Variants in SYNPO2 observed in about 807,000 individuals in gnomAD.
SYNPO2 encodes the protein synaptopodin-2.
Under a neutral mutation model 85.0 loss-of-function variants are expected in SYNPO2, and 56 were observed. That is an observed-to-expected ratio of 0.66 (90% CI 0.53 to 0.82). The LOEUF (loss-of-function observed/expected upper bound fraction) is 0.82, where lower values mean the gene tolerates loss of function less well. Among genes scored for constraint, SYNPO2 ranks in the 40% least tolerant of loss-of-function variants. SYNPO2 has a pLI of 0.00. For missense variants in SYNPO2, 1,575 were observed against 1,534.2 expected (o/e 1.03, Z -0.44); for synonymous variants, 602 against 591.1 (o/e 1.02, Z -0.27).
intron 1 of SYNPO2, among the ~76,000 whole-genome samples, chr4:118,976,020 A>T (rs1489349862): frequency 1.3e-5 from 2 of 152,220 alleles, no homozygotes; most frequent in Admixed American, 1.3e-4. Context: ...CCTGTCCCCT[A>T]CCAGAGCTTT....
intron 1 of SYNPO2, among the ~76,000 whole-genome samples, chr4:118,860,712 A>C (rs10001115): frequency 0.056 from 8,539 of 151,824 alleles, 274 homozygotes; most frequent in Non-Finnish European, 0.064. Flanking sequence ...CATGCCACCA[A>C]GTGCAGCTAA....
chr4:119,030,958 A>T lies in SYNPO2; in HGVS notation c.2183A>T (p.Asp728Val). ...AAACGGGGCACTGGAGCTGGAGGTG[A>T]TTCCGGACCGGAAGAAGACTACCTC... ...EGKRGTGAGG[D>V]SGPEEDYLSL... The change falls in exon 4 of 5, where the codon GAT (aspartate) becomes GTT (valine). Residue 728 changes from aspartate to valine, a missense_variant. Asp to Val is a radical substitution (Grantham distance 152). This residue lies in a region of SYNPO2 where 1,508 missense variants were observed against 1,446.8 expected (regional missense o/e 1.04). Transcript: ENST00000307142. 1 of 1,614,180 alleles carries T rather than the reference A, an allele frequency of 6.2e-7. No homozygotes were observed. Among genetic ancestry groups the T allele is most frequent in the Non-Finnish European group, 8.5e-7 (1 of 1,180,024 alleles).
intron 1 of SYNPO2, among the ~76,000 whole-genome samples, chr4:118,992,979 T>C (rs1399991130): frequency 6.6e-6 from 1 of 152,118 alleles, no homozygotes; most frequent in African/African-American, 2.4e-5. Flanking sequence ...CTCTGGACCC[T>C]GGGTGGGTGG....
intron 1 of SYNPO2, among the ~76,000 whole-genome samples, chr4:118,881,698 G>A (rs1303091238): frequency 6.6e-6 from 1 of 152,124 alleles, no homozygotes; most frequent in Non-Finnish European, 1.5e-5. Context: ...AGCCACGTTC[G>A]GCCTCCAAGT....
chr4:118,947,729 A>C lies in SYNPO2; in HGVS notation c.105+58588A>C, dbSNP rs114604937. 8.1e-3 allele frequency among the ~76,000 whole-genome samples: 1,237 copies of C among 152,340 alleles called. 14 individuals carry two copies. The highest frequency in any genetic ancestry group is 0.027 in the African/African-American group (1,143 of 41,582). ...AATCAACAATGAGAACAACTTAAGA[A>C]AATGTGGCAGTTTAATTCTGGCATA... On this transcript the variant is annotated intron_variant, in intron 1 of 4. Transcript: ENST00000307142.
At chr4:118,967,216 C>T (rs1382474524) in intron 1 of SYNPO2, among the ~76,000 whole-genome samples, 1 of 152,136 alleles carries the variant, frequency 6.6e-6, no homozygotes, top group Non-Finnish European at 1.5e-5. Context: ...TGCCCATTTT[C>T]TTTTTTCTCT....
intron 1 of SYNPO2, among the ~76,000 whole-genome samples, chr4:119,011,075 A>G (rs528551943): frequency 1.3e-5 from 2 of 152,330 alleles, no homozygotes; most frequent in African/African-American, 4.8e-5. Context: ...GACTGGCTTT[A>G]AAACGCATTA....
chr4:119,031,732 A>G lies in SYNPO2; in HGVS notation c.2957A>G (p.Asp986Gly), dbSNP rs200858884. The G allele has an allele frequency of 1.1e-4, 183 of 1,614,092 alleles. 1 individual carries two copies. Among genetic ancestry groups the G allele is most frequent in the Non-Finnish European group, 1.5e-4 (179 of 1,180,040 alleles). ...ACTTTCCAACCTCCAGATGCAAAGG[A>G]TGGCCTCCCCCAGAAGTCATCAGTC... ...LFTFQPPDAK[D>G]GLPQKSSVKV... is the part of the protein sequence containing the mutation. Residue 986 changes from aspartate to glycine, a missense_variant, in exon 4 of 5, where the codon GAT becomes GGT. Physicochemically the swap from Asp to Gly is moderately conservative, Grantham distance 94. Coordinates refer to ENST00000307142, the MANE Select transcript of SYNPO2 (RefSeq NM_133477.3).
At chr4:119,018,534 G>A in intron 1 of SYNPO2, among the ~76,000 whole-genome samples, 1 of 152,022 alleles carries the variant, frequency 6.6e-6, no homozygotes, top group East Asian at 1.9e-4. Context: ...ATAGTGACTG[G>A]ACTAATTTGC....
chr4:119,008,431 C>A (rs1323782265), intron 1 of SYNPO2, among the ~76,000 whole-genome samples: 1 of 145,730 alleles, frequency 6.9e-6, no homozygotes, highest in Non-Finnish European at 1.5e-5. Context: ...TTAAATTGCA[C>A]AGGCTTTTTT....
chr4:118,939,157 T>A (rs1734214832), intron 1 of SYNPO2, among the ~76,000 whole-genome samples: 1 of 152,190 alleles, frequency 6.6e-6, no homozygotes, highest in Admixed American at 6.5e-5. Flanking sequence ...AACAAAGAAG[T>A]TTGTGTGTGC....
At chr4:118,972,358 G>C (rs1735571059) in intron 1 of SYNPO2, among the ~76,000 whole-genome samples, 1 of 151,964 alleles carries the variant, frequency 6.6e-6, no homozygotes, top group African/African-American at 2.4e-5. Flanking sequence ...GTGGAAGGAT[G>C]GCTTCAGTCC....
chr4:119,015,050 CT>C (rs999020901), intron 1 of SYNPO2, among the ~76,000 whole-genome samples: 2 of 152,170 alleles, frequency 1.3e-5, no homozygotes, highest in African/African-American at 4.8e-5. Flanking sequence ...TAAATGAAAA[CT>C]TCAATGACAA....
chr4:119,039,641 A>G (rs1304892291), intron 4 of SYNPO2, among the ~76,000 whole-genome samples: 1 of 152,124 alleles, frequency 6.6e-6, no homozygotes, highest in African/African-American at 2.4e-5. Context: ...CACGCCTCAA[A>G]CACCTACCGC....
chr4:118,998,865 CCTCT>C (rs1057163877), intron 1 of SYNPO2, among the ~76,000 whole-genome samples: 1 of 152,010 alleles, frequency 6.6e-6, no homozygotes, highest in South Asian at 2.1e-4. Context: ...TCCCTCCCTC[CCTCT>C]CTCTCTTACT....
chr4:118,964,732 TTCA>T (rs772925939), intron 1 of SYNPO2, among the ~76,000 whole-genome samples: 1 of 152,202 alleles, frequency 6.6e-6, no homozygotes, highest in Non-Finnish European at 1.5e-5. Flanking sequence ...GGTAAAGCCA[TTCA>T]TTTATTTATT....
chr4:119,001,745 T>C (rs998871180), intron 1 of SYNPO2, among the ~76,000 whole-genome samples: 9 of 152,190 alleles, frequency 5.9e-5, no homozygotes, highest in Admixed American at 5.9e-4. Flanking sequence ...AAGCAAAACA[T>C]ATTCTTTTTA....
intron 1 of SYNPO2, among the ~76,000 whole-genome samples, chr4:119,009,820 G>C (rs1432231358): frequency 6.6e-6 from 1 of 152,186 alleles, no homozygotes; most frequent in Non-Finnish European, 1.5e-5. Context: ...TGAGCTTTTA[G>C]TACAGCCCAG....
chr4:118,926,452 G>C (rs1446516249), intron 1 of SYNPO2, among the ~76,000 whole-genome samples: 2 of 152,132 alleles, frequency 1.3e-5, no homozygotes, highest in Non-Finnish European at 2.9e-5. Context: ...AAATGTTTAG[G>C]TAATGCAGTA....
Sources: gnomAD v4.1 joint callset for allele counts (sites outside exome capture counted in the v4.1 genomes callset) on GRCh38, gnomAD v4.1.1 for gene constraint, gnomAD v4.1.1 regional missense constraint, MANE v1.5 for transcripts, NCBI Gene and HGNC (gene_info 2026-07-23, HGNC 2026-07-21) for gene names.